Variants in KBTBD6 observed in about 807,000 individuals in gnomAD.
KBTBD6 encodes the protein kelch repeat and BTB domain-containing protein 6.
In KBTBD6, 6 loss-of-function variants were observed where a neutral mutation model predicts 34.4. That is an observed-to-expected ratio of 0.17 (90% CI 0.10 to 0.34). KBTBD6 has a LOEUF of 0.34. Among genes scored for constraint, KBTBD6 ranks in the 10% least tolerant of loss-of-function variants. The pLI is 1.00. For synonymous variants in KBTBD6, 288 were observed against 327.2 expected (o/e 0.88, Z 1.29); for missense variants, 557 against 856.0 (o/e 0.65, Z 4.36).
chr13:41,132,629 G>T lies in KBTBD6; in HGVS notation c.-118C>A, dbSNP rs1439153712. 1 of 1,230,784 alleles carries T rather than the reference G, an allele frequency of 8.1e-7. No individual in the cohort carries two copies. Among genetic ancestry groups the T allele is most frequent in the Non-Finnish European group, 1.1e-6 (1 of 880,028 alleles). 76.2% of individuals were successfully genotyped at this position (1,230,784 alleles called of 1,614,324 possible). A position where few individuals can be genotyped will look rare whatever the true frequency, so the allele number is the denominator to read the frequency against. On this transcript the variant is annotated 5_prime_UTR_variant, in exon 1 of 1. It introduces an in-frame stop codon into an upstream open reading frame of the 5' UTR. Coordinates refer to ENST00000379485, the MANE Select transcript of KBTBD6 (RefSeq NM_152903.5). ...AGCGTCTCCGAAGAGACAGCAGCAC[G>T]AGCCCATTTACTGAATTCAACCCTA...
In KBTBD6 at chr13:41,132,653, T is replaced by G; in HGVS notation, c.-142A>C. The G allele has an allele frequency of 4.3e-5, 41 of 964,146 alleles. No individual in the cohort carries two copies. Among genetic ancestry groups the G allele is most frequent in the Middle Eastern group, 6.6e-4 (2 of 3,044 alleles). The allele number at this position is 964,146 out of a possible 1,614,324, so 59.7% of individuals were successfully genotyped here. ...CGAGCCCATTTACTGAATTCAACCC[T>G]ACCCCGCAGAACCGCCTCCCGTTAT... is the stretch of plus-strand genomic sequence containing the variant. On this transcript the variant is annotated 5_prime_UTR_variant, in exon 1 of 1. Transcript: ENST00000379485.
chr13:41,128,365 A>G lies in KBTBD6; in HGVS notation c.*2122T>C. On this transcript the variant is annotated 3_prime_UTR_variant, in exon 1 of 1. Coordinates refer to ENST00000379485, the MANE Select transcript of KBTBD6 (RefSeq NM_152903.5). ...ACATGTATCATGTCAACCATTATAT[A>G]TTAAATCTTCAAGAGGTAAGTACTT... The G allele has an allele frequency of 2.7e-6, 1 of 377,332 alleles. No homozygotes were observed. The highest frequency in any genetic ancestry group is 4.7e-6 in the Non-Finnish European group (1 of 211,938). The allele number at this position is 377,332 out of a possible 1,614,324, so 23.4% of individuals were successfully genotyped here. A position where few individuals can be genotyped will look rare whatever the true frequency, so the allele number is the denominator to read the frequency against.
Position 41,130,371 on chromosome 13 carries a change from A to G in KBTBD6, c.*116T>C. On this transcript the variant is annotated 3_prime_UTR_variant, in exon 1 of 1. Transcript: ENST00000379485. The surrounding 1 kb of genome is among the most constrained non-coding windows in gnomAD (Gnocchi z 4.8). Reference sequence around the variant, plus strand: ...CTTTTTCTAAACCAAACCAGAAGTTAATCAACTTTTCCTCTCCTTTAGGAA... The same window carrying G: ...CTTTTTCTAAACCAAACCAGAAGTTGATCAACTTTTCCTCTCCTTTAGGAA... 1 of 728,644 alleles carries G rather than the reference A, an allele frequency of 1.4e-6. No individual in the cohort carries two copies. Among genetic ancestry groups the G allele is most frequent in the South Asian group, 2.5e-5 (1 of 40,338 alleles). 45.1% of individuals were successfully genotyped at this position (728,644 alleles called of 1,614,324 possible).
In KBTBD6 at chr13:41,132,679, C is replaced by T; in HGVS notation, c.-168G>A. 5.1e-6 allele frequency: 4 copies of T among 778,996 alleles called. No homozygotes were observed. The highest frequency in any genetic ancestry group is 4.1e-6 in the Non-Finnish European group (2 of 487,394). The allele number at this position is 778,996 out of a possible 1,614,324, so 48.3% of individuals were successfully genotyped here. On this transcript the variant is annotated 5_prime_UTR_variant, in exon 1 of 1. Transcript: ENST00000379485. ...ACCCCGCAGAACCGCCTCCCGTTAT[C>T]GTTTAGACAGTGGCTGACTCACCCT...
In KBTBD6 at chr13:41,132,727, C is replaced by T. The variant is rs755994737; in HGVS notation, c.-216G>A. The T allele has an allele frequency of 3.2e-6, 2 of 618,752 alleles. No individual in the cohort carries two copies. Among genetic ancestry groups the T allele is most frequent in the Admixed American group, 3.1e-5 (1 of 32,482 alleles). The allele number at this position is 618,752 out of a possible 1,614,324, so 38.3% of individuals were successfully genotyped here. A position where few individuals can be genotyped will look rare whatever the true frequency, so the allele number is the denominator to read the frequency against. ...CCTCTCTCACTCCCGCGTCCTTTCT[C>T]CGCGTCTGCTCGCCTTCACAGGACC... On this transcript the variant is annotated 5_prime_UTR_variant, in exon 1 of 1. Transcript: ENST00000379485.
At position 41,132,305 on chromosome 13, in the gene KBTBD6, C is replaced by T. The variant is rs771924844; in HGVS notation, c.207G>A (p.Val69=). 24 of 1,614,136 alleles carry T rather than the reference C, an allele frequency of 1.5e-5. No individual in the cohort carries two copies. The Admixed American group carries it at 3.7e-4, about 25-fold the overall frequency. The change falls in exon 1 of 1, where the codon GTG becomes GTA. Residue 69 remains valine (V), a synonymous_variant. Transcript: ENST00000379485. ...TGCCAGGCCCGCTGCCAGGCGTCAC[C>T]ACCTCGATGGTCACATCACACAGCA... ...ARLLCDVTIE[V]VTPGSGPGTG...
At position 41,131,878 on chromosome 13, in the gene KBTBD6, C is replaced by T. The variant is rs1046108753; in HGVS notation, c.634G>A (p.Glu212Lys). 3.1e-6 allele frequency: 5 copies of T among 1,614,260 alleles called. No homozygotes were observed. The highest frequency in any genetic ancestry group is 4.2e-6 in the Non-Finnish European group (5 of 1,180,050). Reference protein sequence around the residue: ...QLSHMGSIREETLADLTLAQL... With the variant: ...QLSHMGSIREKTLADLTLAQL... ...GCCAGGGTCAGATCTGCTAGAGTCTCCTCCCGAATTGAACCCATGTGGCTG... is the reference window on the plus strand; with the variant it reads ...GCCAGGGTCAGATCTGCTAGAGTCTTCTCCCGAATTGAACCCATGTGGCTG... Residue 212 changes from glutamate (E) to lysine (K), a missense_variant, in exon 1 of 1, where the codon GAG (glutamate) becomes AAG (lysine). By Grantham distance (56) the Glu-to-Lys change is moderately conservative. Coordinates refer to ENST00000379485, the MANE Select transcript of KBTBD6 (RefSeq NM_152903.5). The surrounding 1 kb of genome is among the most constrained non-coding windows in gnomAD (Gnocchi z 5.8).
In KBTBD6 at chr13:41,132,746, C is replaced by A. The variant is rs1255914801; in HGVS notation, c.-235G>T. On this transcript the variant is annotated 5_prime_UTR_variant, in exon 1 of 1. Coordinates refer to ENST00000379485, the MANE Select transcript of KBTBD6 (RefSeq NM_152903.5). ...CTTTCTCCGCGTCTGCTCGCCTTCA[C>A]AGGACCCGCTGGCTTGGAGCCGCAG... 6.9e-6 allele frequency: 4 copies of A among 580,700 alleles called. No individual in the cohort carries two copies. The highest frequency in any genetic ancestry group is 1.2e-5 in the Non-Finnish European group (4 of 324,638). 36.0% of individuals were successfully genotyped at this position (580,700 alleles called of 1,614,324 possible). A position where few individuals can be genotyped will look rare whatever the true frequency, so the allele number is the denominator to read the frequency against.
Position 41,131,859 on chromosome 13 carries a change from G to T in KBTBD6, c.653C>A (p.Thr218Asn). 1 of 1,614,248 alleles carries T rather than the reference G, an allele frequency of 6.2e-7. No homozygotes were observed. The highest frequency in any genetic ancestry group is 8.5e-7 in the Non-Finnish European group (1 of 1,180,042). ...CAGGACAGCCAGCAGCTGGGCCAGG[G>T]TCAGATCTGCTAGAGTCTCCTCCCG... ...SIREETLADL[T>N]LAQLLAVLRL... Residue 218 changes from threonine (T) to asparagine (N), a missense_variant, in exon 1 of 1, where the codon ACC becomes AAC. Around this residue, in one of 4 missense-constraint regions of KBTBD6, gnomAD observed 100 missense variants for 102.1 expected, o/e 0.98. Coordinates refer to ENST00000379485, the MANE Select transcript of KBTBD6 (RefSeq NM_152903.5). The surrounding 1 kb of genome is among the most constrained non-coding windows in gnomAD (Gnocchi z 5.8).
At position 41,132,235 on chromosome 13, in the gene KBTBD6, A is replaced by G; in HGVS notation, c.277T>C (p.Cys93Arg). The change falls in exon 1 of 1, where the codon TGT becomes CGT. Residue 93 changes from cysteine to arginine, a missense_variant. Transcript: ENST00000379485. ...GTGAACATGCTCTTGAAGTAGGGAC[A>G]TGCCGCGGCCAGCACATTGCGGTTG... ...PCNRNVLAAACPYFKSMFTGG... is the reference protein window; with the variant it reads ...PCNRNVLAAARPYFKSMFTGG... 1 of 1,614,252 alleles carries G rather than the reference A, an allele frequency of 6.2e-7. No individual in the cohort carries two copies. The highest frequency in any genetic ancestry group is 8.5e-7 in the Non-Finnish European group (1 of 1,180,054).
Position 41,132,625 on chromosome 13 carries a change from G to A in KBTBD6, c.-114C>T, listed in dbSNP as rs1383709669. On this transcript the variant is annotated 5_prime_UTR_variant, in exon 1 of 1. Transcript: ENST00000379485. ...TAGCAGCGTCTCCGAAGAGACAGCA[G>A]CACGAGCCCATTTACTGAATTCAAC... 8.8e-6 allele frequency: 11 copies of A among 1,253,790 alleles called. No individual in the cohort carries two copies. Among genetic ancestry groups the A allele is most frequent in the Non-Finnish European group, 8.9e-6 (8 of 898,820 alleles). The allele number at this position is 1,253,790 out of a possible 1,614,324, so 77.7% of individuals were successfully genotyped here. A position where few individuals can be genotyped will look rare whatever the true frequency, so the allele number is the denominator to read the frequency against.
chr13:41,132,437 A>C lies in KBTBD6; in HGVS notation c.75T>G (p.Ile25Met). The change falls in exon 1 of 1, where the codon ATT becomes ATG. Residue 25 changes from isoleucine (I) to methionine (M), a missense_variant. Physicochemically the swap from Ile to Met is conservative, Grantham distance 10 (BLOSUM62 1). Coordinates refer to ENST00000379485, the MANE Select transcript of KBTBD6 (RefSeq NM_152903.5). ...AAAAGGCCGAAACTGTGGGTTTGTGAATCTTCTTGGGCCGCTTCCCACCAC... is the reference window on the plus strand; with the variant it reads ...AAAAGGCCGAAACTGTGGGTTTGTGCATCTTCTTGGGCCGCTTCCCACCAC... ...SPRGGKRPKKIHKPTVSAFFT... is the reference protein window; with the variant it reads ...SPRGGKRPKKMHKPTVSAFFT... 2 of 1,614,162 alleles carry C rather than the reference A, an allele frequency of 1.2e-6. No individual in the cohort carries two copies. Among genetic ancestry groups the C allele is most frequent in the Non-Finnish European group, 1.7e-6 (2 of 1,180,020 alleles).
At position 41,130,765 on chromosome 13, in the gene KBTBD6, C is replaced by G; in HGVS notation, c.1747G>C (p.Val583Leu). The G allele has an allele frequency of 6.2e-7, 1 of 1,614,192 alleles. No individual in the cohort carries two copies. The highest frequency in any genetic ancestry group is 1.7e-5 in the Admixed American group (1 of 60,022). ...CTAATATCATATTCATACACAGTCACCCGGTTCTTTTTCCACTGTGGGGTG... is the reference window on the plus strand; with the variant it reads ...CTAATATCATATTCATACACAGTCAGCCGGTTCTTTTTCCACTGTGGGGTG... Reference protein sequence around the residue: ...SRTPQWKKNRVTVYEYDIRGD... With the variant: ...SRTPQWKKNRLTVYEYDIRGD... Residue 583 changes from valine (V) to leucine (L), a missense_variant, in exon 1 of 1, where the codon GTG becomes CTG. Physicochemically the swap from Val to Leu is conservative, Grantham distance 32. Transcript: ENST00000379485. The surrounding 1 kb of genome is among the most constrained non-coding windows in gnomAD (Gnocchi z 4.8).
chr13:41,132,494 G>A lies in KBTBD6; in HGVS notation c.18C>T (p.Asp6=). The A allele has an allele frequency of 6.2e-7, 1 of 1,614,016 alleles. No homozygotes were observed. Among genetic ancestry groups the A allele is most frequent in the Non-Finnish European group, 8.5e-7 (1 of 1,179,924 alleles). MQSRE[D]APRSRRLASP... is the part of the protein sequence containing the mutation. ...TGGCTAGGCGGCGAGAGCGCGGGGC[G>A]TCTTCCCGGGACTGCATGGTGGAGA... Residue 6 remains aspartate (D), a synonymous_variant, in exon 1 of 1, where the codon GAC becomes GAT. Coordinates refer to ENST00000379485, the MANE Select transcript of KBTBD6 (RefSeq NM_152903.5).
At position 41,131,419 on chromosome 13, in the gene KBTBD6, C is replaced by T. The variant is rs768400825; in HGVS notation, c.1093G>A (p.Asp365Asn). The T allele has an allele frequency of 6.8e-6, 11 of 1,613,918 alleles. No individual in the cohort carries two copies. The highest frequency in any genetic ancestry group is 1.3e-5 in the African/African-American group (1 of 74,858). ...PFLCCDPYSG[D>N]LYKVPSPLTC... ...AAAGGTGACGGCACTTTGTAAAGGT[C>T]CCCCGAGTATGGATCACAGCAGAGA... Residue 365 changes from aspartate (D) to asparagine (N), a missense_variant, in exon 1 of 1, where the codon GAC becomes AAC. Physicochemically the swap from Asp to Asn is conservative, Grantham distance 23. Around this residue, in one of 4 missense-constraint regions of KBTBD6, gnomAD observed 309 missense variants for 504.5 expected, o/e 0.61. Transcript: ENST00000379485. This position sits in a 1 kb window ranked among gnomAD's most constrained non-coding sequence, Gnocchi z 5.8.
In KBTBD6 at chr13:41,132,460, C is replaced by T. The variant is rs1471291219; in HGVS notation, c.52G>A (p.Gly18Ser). Residue 18 changes from glycine (G) to serine (S), a missense_variant, in exon 1 of 1, where the codon GGT becomes AGT. By Grantham distance (56) the Gly-to-Ser change is moderately conservative. This residue lies in a region of KBTBD6 where 40 missense variants were observed against 39.9 expected (regional missense o/e 1.00). Transcript: ENST00000379485. ...PRSRRLASPR[G>S]GKRPKKIHKP... ...TGAATCTTCTTGGGCCGCTTCCCAC[C>T]ACGGGGACTGGCTAGGCGGCGAGAG... is the stretch of plus-strand genomic sequence containing the variant. 1.2e-6 allele frequency: 2 copies of T among 1,614,108 alleles called. No individual in the cohort carries two copies. The highest frequency in any genetic ancestry group is 1.7e-6 in the Non-Finnish European group (2 of 1,180,052).
At position 41,132,729 on chromosome 13, in the gene KBTBD6, G is replaced by C; in HGVS notation, c.-218C>G. 1 of 610,884 alleles carries C rather than the reference G, an allele frequency of 1.6e-6. No individual in the cohort carries two copies. Among genetic ancestry groups the C allele is most frequent in the Non-Finnish European group, 2.9e-6 (1 of 347,318 alleles). The allele number at this position is 610,884 out of a possible 1,614,324, so 37.8% of individuals were successfully genotyped here. A position where few individuals can be genotyped will look rare whatever the true frequency, so the allele number is the denominator to read the frequency against. ...TCTCTCACTCCCGCGTCCTTTCTCC[G>C]CGTCTGCTCGCCTTCACAGGACCCG... On this transcript the variant is annotated 5_prime_UTR_variant, in exon 1 of 1. Transcript: ENST00000379485.
At position 41,128,777 on chromosome 13, in the gene KBTBD6, G is replaced by C. The variant is rs1566227503; in HGVS notation, c.*1710C>G. 5 of 327,542 alleles carry C rather than the reference G, an allele frequency of 1.5e-5. No individual in the cohort carries two copies. The allele number at this position is 327,542 out of a possible 1,614,324, so 20.3% of individuals were successfully genotyped here. A position where few individuals can be genotyped will look rare whatever the true frequency, so the allele number is the denominator to read the frequency against. On this transcript the variant is annotated 3_prime_UTR_variant, in exon 1 of 1. Coordinates refer to ENST00000379485, the MANE Select transcript of KBTBD6 (RefSeq NM_152903.5). ...TAGACTCAAGTGATCCTACATTCAA[G>C]TGATCCTCCCAAGTAACTGGGACTC...
rs2030018601 is a variant in KBTBD6, at chr13:41,127,740, G to C, written c.*2747C>G. The stretch of plus-strand genomic sequence containing the variant: ...CAAAGGTTGAGAATGACGAATTCAA[G>C]AATTTCTTTCATACATAAATTGCTT... On this transcript the variant is annotated 3_prime_UTR_variant, in exon 1 of 1. Coordinates refer to ENST00000379485, the MANE Select transcript of KBTBD6 (RefSeq NM_152903.5). The C allele has an allele frequency of 6.6e-6, 1 of 152,176 alleles. No homozygotes were observed. Among genetic ancestry groups the C allele is most frequent in the Non-Finnish European group, 1.5e-5 (1 of 68,026 alleles). 9.4% of individuals were successfully genotyped at this position (152,176 alleles called of 1,614,324 possible).
Sources: allele counts gnomAD v4.1 joint callset, GRCh38; gene constraint gnomAD v4.1.1; regional missense constraint gnomAD v4.1.1; non-coding constraint Gnocchi (gnomAD v3.1); transcripts MANE v1.5; gene names NCBI Gene and HGNC (gene_info 2026-07-23, HGNC 2026-07-21).